The following AVEN variants were observed in gnomAD, a reference collection of about 807,000 sequenced individuals.
The protein encoded by AVEN is apoptosis and caspase activation inhibitor.
In AVEN, 41 loss-of-function variants were observed where a neutral mutation model predicts 38.1. The observed-to-expected ratio is 1.08, with a 90% CI of 0.84 to 1.40. The LOEUF is 1.40. Among genes scored for constraint, AVEN ranks in the 40% most tolerant of loss-of-function variants. The probability of loss-of-function intolerance (pLI) is 0.00; values close to 1 mark genes in which losing one functional copy is unlikely to be tolerated. For missense variants in AVEN, 605 were observed against 438.8 expected (o/e 1.38, Z -3.38); for synonymous variants, 206 against 171.8 (o/e 1.20, Z -1.56).
At chr15:34,024,154 T>C (rs201215845) in intron 1 of AVEN, among the ~76,000 whole-genome samples, 1 of 84,328 alleles carries the variant, frequency 1.2e-5, no homozygotes, top group Non-Finnish European at 2.0e-5. Context: ...CATTAGTCAG[T>C]GTGCTTGGAT....
At chr15:33,894,497 T>C (rs1455234624) in intron 2 of AVEN, among the ~76,000 whole-genome samples, 1 of 112,842 alleles carries the variant, frequency 8.9e-6, no homozygotes, top group Non-Finnish European at 1.8e-5. Flanking sequence ...GCAGTTGGGG[T>C]GGATAGGGTT....
rs183099608 is a variant in AVEN, at chr15:33,882,588, G to A, written c.446-6593C>T. On this transcript the variant is annotated intron_variant, in intron 2 of 5. Transcript: ENST00000306730. ...AAAAAAAAAAATAGAAATAAGGCTG[G>A]GTGTACAGTGGCTTACGCCTGTAAT... Among the ~76,000 whole-genome samples, 56 of 151,860 alleles carry A rather than the reference G, an allele frequency of 3.7e-4. No homozygotes were observed. In the East Asian group the frequency reaches 8.9e-3, roughly 24 times the overall value.
intron 4 of AVEN, chr15:34,064,404 A>G (rs1226215232): frequency 7.1e-7 from 1 of 1,417,754 alleles, no homozygotes; most frequent in Non-Finnish European, 9.4e-7. Flanking sequence ...TATATTTTCA[A>G]AAAGAAGACA....
Position 33,888,501 on chromosome 15 carries a change from G to A in AVEN, c.446-12506C>T, listed in dbSNP as rs556616319. On this transcript the variant is annotated intron_variant, in intron 2 of 5. Transcript: ENST00000306730. ...AATGCAGGTACTGTGGGATGTGCAA[G>A]CAATTTGCTGTTACTAGAGCATAAA... is the stretch of plus-strand genomic sequence containing the variant. 7.9e-5 allele frequency among the ~76,000 whole-genome samples: 12 copies of A among 152,302 alleles called. No homozygotes were observed. In the East Asian group the frequency reaches 1.2e-3, roughly 15 times the overall value.
downstream of AVEN, among the ~76,000 whole-genome samples, chr15:33,861,382 G>A (rs117851452): frequency 0.032 from 4,940 of 152,024 alleles, 158 homozygotes; most frequent in Non-Finnish European, 0.039. Context: ...CCTAGCAAAA[G>A]GCCAGCCCCT....
At position 33,867,742 on chromosome 15, in the gene AVEN, A is replaced by G; in HGVS notation, c.726T>C (p.Phe242=). ...PLGPGGRGPI[F]ELKSVAAGCP... The stretch of plus-strand genomic sequence containing the variant: ...AGCCAGCAGCCACAGATTTCAGCTC[A>G]AAGATGGGCCCCCTTCCTCCAGGCC... The change falls in exon 5 of 6, where the codon TTT becomes TTC. Residue 242 remains phenylalanine, a synonymous_variant. Transcript: ENST00000306730. The G allele has an allele frequency of 6.2e-7, 1 of 1,614,166 alleles. No individual in the cohort carries two copies. Among genetic ancestry groups the G allele is most frequent in the South Asian group, 1.1e-5 (1 of 91,082 alleles).
At chr15:33,968,203 T>G (rs1411007582) in intron 2 of AVEN, among the ~76,000 whole-genome samples, 2 of 147,230 alleles carry the variant, frequency 1.4e-5, no homozygotes, top group Non-Finnish European at 3.0e-5. Flanking sequence ...GCTACCTCCA[T>G]GCTAAGCCCT....
rs1009094652 is a variant in AVEN at position 33,913,903 on chromosome 15, C to A, written c.446-37908G>T. ...GCGGAAACTCAGATCTACAGAAATC[C>A]ATGAAAAGGGCTGAAAATGGGAAAT... On this transcript the variant is annotated intron_variant, in intron 2 of 5. Coordinates refer to ENST00000306730, the MANE Select transcript of AVEN (RefSeq NM_020371.3). 2.0e-5 allele frequency among the ~76,000 whole-genome samples: 3 copies of A among 152,104 alleles called. No homozygotes were observed. The East Asian group carries it at 5.8e-4, about 29-fold the overall frequency.
chr15:33,858,022 G>C, downstream of AVEN: 2 of 1,392,708 alleles, frequency 1.4e-6, no homozygotes, highest in Non-Finnish European at 9.8e-7. Context: ...GAACTGTAGA[G>C]TTAGTTACAG....
intron 2 of AVEN, among the ~76,000 whole-genome samples, chr15:33,986,986 A>T (rs1896505294): frequency 6.6e-6 from 1 of 152,230 alleles, no homozygotes; most frequent in Non-Finnish European, 1.5e-5. Flanking sequence ...AAATAAACAG[A>T]TAAAATATAG....
intron 2 of AVEN, among the ~76,000 whole-genome samples, chr15:33,909,042 T>C (rs1251764060): frequency 6.6e-6 from 1 of 152,234 alleles, no homozygotes; most frequent in East Asian, 1.9e-4. Flanking sequence ...TTTCTACCAC[T>C]CTGAGCTGCC....
chr15:33,904,313 G>A (rs908555208), intron 2 of AVEN, among the ~76,000 whole-genome samples: 7 of 152,170 alleles, frequency 4.6e-5, no homozygotes, highest in Non-Finnish European at 1.5e-5. Context: ...CCAACTACTT[G>A]GGAGACTGAG....
rs959799994 is a variant in AVEN, at chr15:34,000,722, A to G, written c.445+2310T>C. Among the ~76,000 whole-genome samples the G allele has an allele frequency of 9.2e-5, 14 of 152,340 alleles. No individual in the cohort carries two copies. In the East Asian group the frequency reaches 2.3e-3, roughly 25 times the overall value. ...TATAGCACCAAAACACTGAGTATGA[A>G]GAAAGCATGGAAGCTCTTCTCAGTC... On this transcript the variant is annotated intron_variant, in intron 2 of 5. Transcript: ENST00000306730.
At chr15:33,914,374 T>C (rs948465530) in intron 2 of AVEN, among the ~76,000 whole-genome samples, 1 of 152,124 alleles carries the variant, frequency 6.6e-6, no homozygotes, top group Non-Finnish European at 1.5e-5. Context: ...AATAGACCTG[T>C]ACCTAACCTA....
In AVEN at chr15:33,965,728, A is replaced by G. The variant is rs562336833; in HGVS notation, c.445+37304T>C. Among the ~76,000 whole-genome samples, 29 of 152,170 alleles carry G rather than the reference A, an allele frequency of 1.9e-4. No homozygotes were observed. The South Asian group carries it at 5.2e-3, about 27-fold the overall frequency. On this transcript the variant is annotated intron_variant, in intron 2 of 5. Coordinates refer to ENST00000306730, the MANE Select transcript of AVEN (RefSeq NM_020371.3). ...GAACAAAAGAAAAATGTGCTTTATTATATGTATCAAAGAAAACATAAAAGT... is the reference window on the plus strand; with the variant it reads ...GAACAAAAGAAAAATGTGCTTTATTGTATGTATCAAAGAAAACATAAAAGT...
intron 2 of AVEN, among the ~76,000 whole-genome samples, chr15:33,986,472 T>C (rs1187716626): frequency 6.6e-6 from 1 of 152,074 alleles, no homozygotes; most frequent in Non-Finnish European, 1.5e-5. Flanking sequence ...TACAGAATTT[T>C]AAAGGTAAAT....
At chr15:33,888,820 G>C (rs190218663) in intron 2 of AVEN, among the ~76,000 whole-genome samples, 66 of 152,186 alleles carry the variant, frequency 4.3e-4, no homozygotes, top group African/African-American at 1.4e-3. Context: ...GCGCGATCTT[G>C]GCTCACTACA....
chr15:34,063,619 C>A lies in AVEN; in HGVS notation n.1127-187G>T. ...AATTGGGCCAAAGCTGAGCAGCTCACCACCTGTAGCAGCTACCCTTCCTCA... is the reference window on the plus strand; with the variant it reads ...AATTGGGCCAAAGCTGAGCAGCTCAACACCTGTAGCAGCTACCCTTCCTCA... On this transcript the variant is annotated intron_variant and non_coding_transcript_variant, in intron 4 of 11. Transcript: ENST00000675287. This position sits in a 1 kb window ranked among gnomAD's most constrained non-coding sequence, Gnocchi z 4.1. The A allele has an allele frequency of 6.2e-7, 1 of 1,614,034 alleles. No homozygotes were observed. Among genetic ancestry groups the A allele is most frequent in the Non-Finnish European group, 8.5e-7 (1 of 1,180,022 alleles).
intron 2 of AVEN, among the ~76,000 whole-genome samples, chr15:33,923,911 C>A (rs971265929): frequency 1.3e-5 from 2 of 151,346 alleles, no homozygotes; most frequent in African/African-American, 4.9e-5. Flanking sequence ...TATCTCCCAT[C>A]ACCCCCAGGT....
Sources: allele counts gnomAD v4.1 joint callset (sites outside exome capture counted in the v4.1 genomes callset), GRCh38; gene constraint gnomAD v4.1.1; non-coding constraint Gnocchi (gnomAD v3.1); transcripts MANE v1.5; gene names NCBI Gene and HGNC (gene_info 2026-07-23, HGNC 2026-07-21).